The following MGAT4C variants were observed in gnomAD, a reference collection of about 807,000 sequenced individuals.
MGAT4C encodes alpha-1,3-mannosyl-glycoprotein 4-beta-N-acetylglucosaminyltransferase C.
In MGAT4C, 19 loss-of-function variants were observed where a neutral mutation model predicts 40.1. The ratio of observed to expected loss-of-function variants is 0.47; its 90% CI spans 0.33 to 0.70. The LOEUF is 0.70. MGAT4C is among the 30% of genes least tolerant of loss of function. The pLI is 0.02. For missense variants in MGAT4C, 491 were observed against 563.2 expected, an observed-to-expected ratio of 0.87 and a Z score of 1.30; for synonymous variants, 181 against 187.1, an observed-to-expected ratio of 0.97 and a Z score of 0.27.
intron 3 of MGAT4C, among the ~76,000 whole-genome samples, chr12:86,397,580 C>A (rs1257476557): frequency 6.6e-6 from 1 of 152,060 alleles, no homozygotes; most frequent in Non-Finnish European, 1.5e-5. Flanking sequence ...CCTACTTCTA[C>A]TTTATTAGCT....
At chr12:86,296,260 G>C (rs1468084379) in intron 4 of MGAT4C, among the ~76,000 whole-genome samples, 1 of 152,184 alleles carries the variant, frequency 6.6e-6, no homozygotes. Flanking sequence ...ACAGGGTGCT[G>C]ATTGGTGTAT....
chr12:86,305,443 GA>G (rs5799778), intron 4 of MGAT4C, among the ~76,000 whole-genome samples: 89,767 of 133,284 alleles, frequency 0.67, 29,987 homozygotes, highest in South Asian at 0.78. Flanking sequence ...CCGTCTCAAA[GA>G]AAAAAAAAAA....
intron 2 of MGAT4C, among the ~76,000 whole-genome samples, chr12:86,493,704 G>A (rs1361619055): frequency 3.3e-5 from 5 of 151,860 alleles, no homozygotes; most frequent in East Asian, 3.9e-4. Flanking sequence ...GCTATATGAC[G>A]AGTTAATGGA....
At chr12:86,474,823 G>T (rs1006304781) in intron 2 of MGAT4C, among the ~76,000 whole-genome samples, 1 of 151,772 alleles carries the variant, frequency 6.6e-6, no homozygotes, top group African/African-American at 2.4e-5. Context: ...TGCAAGATGT[G>T]GACACCTTTT....
At position 85,961,245 on chromosome 12, in the gene MGAT4C, G is replaced by A. The variant is rs1367314150; in HGVS notation, c.*18044C>T. 2 of 151,676 alleles carry A rather than the reference G, an allele frequency of 1.3e-5. No homozygotes were observed. Among genetic ancestry groups the A allele is most frequent in the Admixed American group, 1.3e-4 (2 of 15,190 alleles). 9.4% of individuals were successfully genotyped at this position (151,676 alleles called of 1,614,324 possible). On this transcript the variant is annotated 3_prime_UTR_variant, in exon 5 of 5. Coordinates refer to ENST00000611864, the MANE Select transcript of MGAT4C (RefSeq NM_001351288.2). ...TCTATGGGCATTGTTTAGCAGCCTC[G>A]AAACACTGAACTTTTTACAGTCTTA...
At chr12:85,989,838 A>C (rs1885680874) in intron 2 of MGAT4C, among the ~76,000 whole-genome samples, 1 of 152,138 alleles carries the variant, frequency 6.6e-6, no homozygotes, top group Non-Finnish European at 1.5e-5. Flanking sequence ...TAAATAAAAC[A>C]GGCCTCTGAT....
At chr12:86,025,826 G>C (rs1324873073) in intron 2 of MGAT4C, among the ~76,000 whole-genome samples, 6 of 151,588 alleles carry the variant, frequency 4.0e-5, no homozygotes. Flanking sequence ...AGGTGTATCT[G>C]ACTCCCCAGA....
At chr12:86,306,865 T>A (rs1953945811) in intron 4 of MGAT4C, among the ~76,000 whole-genome samples, 1 of 150,358 alleles carries the variant, frequency 6.7e-6, no homozygotes, top group African/African-American at 2.5e-5. Context: ...GAAAGTATAG[T>A]ACAATGTAGC....
chr12:86,496,214 T>A (rs1036206759), intron 2 of MGAT4C, among the ~76,000 whole-genome samples: 1 of 151,996 alleles, frequency 6.6e-6, no homozygotes, highest in South Asian at 2.1e-4. Context: ...GGACAGAGCC[T>A]GGGTTTTGAG....
At chr12:86,264,561 A>G (rs972333838) in intron 4 of MGAT4C, among the ~76,000 whole-genome samples, 2 of 152,134 alleles carry the variant, frequency 1.3e-5, no homozygotes, top group African/African-American at 4.8e-5. Context: ...GCTGGGCAGG[A>G]GCCTCCTGCT....
At chr12:86,113,801 G>C (rs909839920) in intron 1 of MGAT4C, among the ~76,000 whole-genome samples, 1 of 151,872 alleles carries the variant, frequency 6.6e-6, no homozygotes, top group African/African-American at 2.4e-5. Context: ...GCAAGAAACT[G>C]AGATGCATGC....
intron 2 of MGAT4C, among the ~76,000 whole-genome samples, chr12:86,539,294 A>C (rs935065798): frequency 6.6e-6 from 1 of 150,690 alleles, no homozygotes; most frequent in Non-Finnish European, 1.5e-5. Context: ...CTGTCCTTGC[A>C]ATAGTTTGCT....
chr12:86,329,534 C>G (rs1954610228), intron 4 of MGAT4C, among the ~76,000 whole-genome samples: 1 of 152,210 alleles, frequency 6.6e-6, no homozygotes, highest in Non-Finnish European at 1.5e-5. Context: ...ACACCTTCTT[C>G]ATACCTTTCC....
intron 2 of MGAT4C, among the ~76,000 whole-genome samples, chr12:86,626,537 T>C (rs1004838812): frequency 3.9e-5 from 6 of 152,148 alleles, no homozygotes; most frequent in Non-Finnish European, 8.8e-5. Context: ...GCAGTACAGA[T>C]TAAGATAAAA....
At chr12:85,998,577 C>G (rs961048328) in intron 2 of MGAT4C, among the ~76,000 whole-genome samples, 1 of 152,182 alleles carries the variant, frequency 6.6e-6, no homozygotes, top group Non-Finnish European at 1.5e-5. Context: ...ACTAGATACA[C>G]TAAATCATCT....
At chr12:86,305,164 G>T (rs917743526) in intron 4 of MGAT4C, among the ~76,000 whole-genome samples, 2 of 150,596 alleles carry the variant, frequency 1.3e-5, no homozygotes, top group Non-Finnish European at 2.9e-5. Context: ...GTTAGGCCTG[G>T]TGCAGTGGCT....
rs529203182 is a variant in MGAT4C at position 86,555,713 on chromosome 12, T to C, written c.-228-120448A>G. On this transcript the variant is annotated intron_variant, in intron 2 of 7. Transcript: ENST00000548651. ...GCTAAACCATCACAGCTGTAAATCA[T>C]ATGCTTAATGCAGAGCGCCCTTTTG... Among the ~76,000 whole-genome samples the C allele has an allele frequency of 1.8e-4, 27 of 152,322 alleles. No individual in the cohort carries two copies. The South Asian group carries it at 5.6e-3, about 32-fold the overall frequency.
At chr12:86,189,861 C>T (rs2135896502) in intron 1 of MGAT4C, among the ~76,000 whole-genome samples, 1 of 152,100 alleles carries the variant, frequency 6.6e-6, no homozygotes, top group Admixed American at 6.6e-5. Flanking sequence ...ATAGAAAATA[C>T]ATTCAGGCAG....
chr12:86,154,351 C>T (rs1389122365), intron 1 of MGAT4C, among the ~76,000 whole-genome samples: 1 of 152,170 alleles, frequency 6.6e-6, no homozygotes, highest in African/African-American at 2.4e-5. Context: ...GCTGTAGCCT[C>T]TGACGGTGAG....
Sources: allele counts gnomAD v4.1 joint callset (sites outside exome capture counted in the v4.1 genomes callset), GRCh38; gene constraint gnomAD v4.1.1; transcripts MANE v1.5; gene names NCBI Gene and HGNC (gene_info 2026-07-23, HGNC 2026-07-21).